Variants in ZNF454 observed in about 807,000 individuals in gnomAD.
The protein encoded by ZNF454 is zinc finger protein 454.
Under a neutral mutation model 48.2 loss-of-function variants are expected in ZNF454, and 30 were observed. That is an observed-to-expected ratio of 0.62 (90% CI 0.47 to 0.84). The LOEUF (loss-of-function observed/expected upper bound fraction) is 0.84, where lower values mean the gene tolerates loss of function less well. Among genes scored for constraint, ZNF454 ranks in the 40% least tolerant of loss-of-function variants. ZNF454 has a pLI of 0.00. For missense variants in ZNF454, 510 were observed against 623.1 expected, an observed-to-expected ratio of 0.82 and a Z score of 1.93; for synonymous variants, 204 against 211.4, an observed-to-expected ratio of 0.97 and a Z score of 0.30.
At chr5:178,952,089 G>C (rs1386244967) in intron 4 of ZNF454, among the ~76,000 whole-genome samples, 5 of 150,850 alleles carry the variant, frequency 3.3e-5, no homozygotes, top group African/African-American at 1.2e-4. Context: ...CCAGGCGGGA[G>C]TGCTGTGGCG....
the ZNF454 span, among the ~76,000 whole-genome samples, chr5:178,971,588 C>A: frequency 6.8e-6 from 1 of 147,624 alleles, no homozygotes; most frequent in African/African-American, 2.5e-5. Context: ...GGTGGCCATG[C>A]CTGTAATCCC....
At chr5:178,982,988 G>A in the ZNF454 span, 1 of 1,614,176 alleles carries the variant, frequency 6.2e-7, no homozygotes, top group Non-Finnish European at 8.5e-7. Context: ...ACATGGTGAA[G>A]CCGATGGGCT....
the ZNF454 span, chr5:178,985,560 G>A: frequency 3.9e-4 from 133 of 337,098 alleles, no homozygotes; most frequent in Middle Eastern, 1.1e-3. Flanking sequence ...AAAATTAGCC[G>A]GGCGTGGTGG....
chr5:178,983,362 C>T, the ZNF454 span: 2 of 772,062 alleles, frequency 2.6e-6, no homozygotes, highest in Non-Finnish European at 4.5e-6. Context: ...TGGTGGCTCT[C>T]AGGAGCACTC....
chr5:178,987,734 A>T, the ZNF454 span, among the ~76,000 whole-genome samples: 8 of 152,116 alleles, frequency 5.3e-5, no homozygotes, highest in South Asian at 1.5e-3. Context: ...GATGGTGGTG[A>T]TGGTTGCATA....
Position 178,942,803 on chromosome 5 carries a change from C to T in ZNF454, c.12C>T (p.Ser4=), listed in dbSNP as rs1245260809. 6.2e-7 allele frequency: 1 copy of T among 1,613,874 alleles called. No homozygotes were observed. Among genetic ancestry groups the T allele is most frequent in the Non-Finnish European group, 8.5e-7 (1 of 1,179,878 alleles). The change falls in exon 2 of 5, where the codon AGC becomes AGT. Residue 4 remains serine, a synonymous_variant. Transcript: ENST00000519564. MAV[S]HLPTMVQESV... is the part of the protein sequence containing the mutation. ...TCGGAGAAGAAAGAATGGCTGTCAG[C>T]CACCTGCCAACCATGGTCCAGGTGA...
rs1237857005 is a variant in ZNF454 at position 178,964,892 on chromosome 5, T to C, written c.488T>C (p.Leu163Pro). 2 of 1,614,190 alleles carry C rather than the reference T, an allele frequency of 1.2e-6. No individual in the cohort carries two copies. The highest frequency in any genetic ancestry group is 1.6e-4 in the Middle Eastern group (1 of 6,062). ...TCCGGGAGCACTATGAGCTCATCTC[T>C]TCACAGTGATCAAAGTCAGGGATTT... ...DESGSTMSSSLHSDQSQGFQP... is the reference protein window; with the variant it reads ...DESGSTMSSSPHSDQSQGFQP... Residue 163 changes from leucine to proline, a missense_variant, in exon 5 of 5, where the codon CTT (leucine) becomes CCT (proline). Around this residue, in one of 3 missense-constraint regions of ZNF454, gnomAD observed 354 missense variants for 408.9 expected, o/e 0.87. Transcript: ENST00000519564.
rs58018977 is a variant in ZNF454, at chr5:178,957,611, G to A, written c.251-7044G>A. On this transcript the variant is annotated intron_variant, in intron 4 of 4. Transcript: ENST00000519564. ...TTTTTAGTAGAGACGGGGTTTCACC[G>A]TGTTAGCCAGGATGGTCTCGATCTC... Among the ~76,000 whole-genome samples, 1,412 of 151,762 alleles carry A rather than the reference G, an allele frequency of 9.3e-3. 75 individuals are homozygous for A. The East Asian group carries it at 0.13, about 14-fold the overall frequency.
chr5:178,986,186 G>T, the ZNF454 span: 1 of 1,614,148 alleles, frequency 6.2e-7, no homozygotes, highest in Non-Finnish European at 8.5e-7. Context: ...CTGATGAAGG[G>T]AGGGGGTGTG....
rs990676829 is a variant in ZNF454, at chr5:178,966,095, G to A, written c.*122G>A. On this transcript the variant is annotated 3_prime_UTR_variant, in exon 5 of 5. Coordinates refer to ENST00000519564, the MANE Select transcript of ZNF454 (RefSeq NM_001178089.3). ...TCAAGATAGTCACTTTATTTACTGA[G>A]GGTCAGGTTTCACAGTGTCATGGGG... 1.1e-6 allele frequency: 1 copy of A among 940,946 alleles called. No individual in the cohort carries two copies. Among genetic ancestry groups the A allele is most frequent in the African/African-American group, 1.6e-5 (1 of 60,774 alleles). The allele number at this position is 940,946 out of a possible 1,614,324, so 58.3% of individuals were successfully genotyped here.
the ZNF454 span, chr5:178,975,771 A>G: frequency 1.6e-3 from 596 of 373,740 alleles, 8 homozygotes; most frequent in South Asian, 0.01. Flanking sequence ...ACACTGATCT[A>G]GATGTTGCTG....
At chr5:178,985,402 C>CT in the ZNF454 span, 2 of 329,062 alleles carry the variant, frequency 6.1e-6, no homozygotes, top group Admixed American at 8.6e-5. Context: ...TTCCTGTGGC[C>CT]TTAAAAAAAA....
chr5:178,948,592 A>G (rs1759428627), intron 4 of ZNF454, among the ~76,000 whole-genome samples: 1 of 152,174 alleles, frequency 6.6e-6, no homozygotes, highest in South Asian at 2.1e-4. Flanking sequence ...ACCACAGTTC[A>G]GTGCATCTGG....
At chr5:178,982,705 G>T in the ZNF454 span, 1 of 360,576 alleles carries the variant, frequency 2.8e-6, no homozygotes, top group Non-Finnish European at 4.9e-6. Flanking sequence ...AAAAAAAAAA[G>T]AAAAAAAGAA....
Position 178,965,259 on chromosome 5 carries a change from A to G in ZNF454, c.855A>G (p.Ile285Met), listed in dbSNP as rs761974293. Residue 285 changes from isoleucine (I) to methionine (M), a missense_variant, in exon 5 of 5, where the codon ATA becomes ATG. Physicochemically the swap from Ile to Met is conservative, Grantham distance 10 (BLOSUM62 1). Around this residue, in one of 3 missense-constraint regions of ZNF454, gnomAD observed 354 missense variants for 408.9 expected, o/e 0.87. Transcript: ENST00000519564. This position sits in a 1 kb window ranked among gnomAD's most constrained non-coding sequence, Gnocchi z 5.2. ...NLCGKAFIRNIHLAHHHRIHT... is the reference protein window; with the variant it reads ...NLCGKAFIRNMHLAHHHRIHT... ...GTGGAAAAGCTTTTATCCGAAATAT[A>G]CACCTTGCCCATCATCATAGAATAC... 1.2e-6 allele frequency: 2 copies of G among 1,614,106 alleles called. No homozygotes were observed. Among genetic ancestry groups the G allele is most frequent in the African/African-American group, 1.3e-5 (1 of 74,934 alleles).
At chr5:178,989,117 C>T in the ZNF454 span, 577 of 1,613,988 alleles carry the variant, frequency 3.6e-4, 4 homozygotes, top group East Asian at 0.01. Context: ...GGTGGAGTCC[C>T]GGCCGATGCG....
chr5:178,986,059 G>T, the ZNF454 span: 1 of 1,410,914 alleles, frequency 7.1e-7, no homozygotes, highest in Non-Finnish European at 9.7e-7. Flanking sequence ...ACTGTGCCTG[G>T]CCCTTTTGGC....
the ZNF454 span, chr5:178,982,809 C>T: frequency 1.1e-5 from 9 of 824,330 alleles, no homozygotes; most frequent in Admixed American, 1.9e-5. Context: ...CAGCCAGATA[C>T]GGGATAAACA....
chr5:178,968,141 A>ACACACACACACG (rs55841205), downstream of ZNF454, among the ~76,000 whole-genome samples: 4 of 144,866 alleles, frequency 2.8e-5, no homozygotes, highest in Non-Finnish European at 3.1e-5. Context: ...ACACACACAC[A>ACACACACACACG]GCCTCTGAGG....
Sources: allele counts gnomAD v4.1 joint callset (sites outside exome capture counted in the v4.1 genomes callset), GRCh38; gene constraint gnomAD v4.1.1; regional missense constraint gnomAD v4.1.1; non-coding constraint Gnocchi (gnomAD v3.1); transcripts MANE v1.5; gene names NCBI Gene and HGNC (gene_info 2026-07-23, HGNC 2026-07-21).